AUTS2: variants seen among roughly 807,000 people sequenced by gnomAD.
AUTS2 encodes the protein autism susceptibility gene 2 protein.
In AUTS2, 17 loss-of-function variants were observed where a neutral mutation model predicts 112.4. The observed-to-expected ratio is 0.15, with a 90% CI of 0.10 to 0.23. The LOEUF (loss-of-function observed/expected upper bound fraction) is 0.23. AUTS2 is among the 10% of genes least tolerant of loss of function. AUTS2 has a pLI of 1.00. For missense variants in AUTS2, 1,510 were observed against 1,701.6 expected, an observed-to-expected ratio of 0.89 and a Z score of 1.98; for synonymous variants, 751 against 702.7, an observed-to-expected ratio of 1.07 and a Z score of -1.09.
At chr7:69,996,946 T>TAAAAAAAAAAAAAAAAAAAA (rs1161825217) in intron 2 of AUTS2, among the ~76,000 whole-genome samples, 4 of 99,034 alleles carry the variant, frequency 4.0e-5, no homozygotes, top group Admixed American at 1.1e-4. Context: ...CTGGAACACT[T>TAAAAAAAAAAAAAAAAAAAA]AAAAAAAAAA....
At chr7:70,654,674 T>A (rs1806677151) in intron 5 of AUTS2, among the ~76,000 whole-genome samples, 1 of 152,240 alleles carries the variant, frequency 6.6e-6, no homozygotes, top group African/African-American at 2.4e-5. Context: ...TGAAATTCTG[T>A]TGATGTTGTA....
chr7:69,640,387 G>C (rs1318660331), intron 1 of AUTS2, among the ~76,000 whole-genome samples: 1 of 152,172 alleles, frequency 6.6e-6, no homozygotes, highest in Non-Finnish European at 1.5e-5. Context: ...CTTAAGTAGT[G>C]CACAGTTCAG....
intron 4 of AUTS2, among the ~76,000 whole-genome samples, chr7:70,227,411 T>C (rs1219873020): frequency 1.3e-5 from 2 of 152,092 alleles, no homozygotes; most frequent in African/African-American, 4.8e-5. Flanking sequence ...GTTAAGCATA[T>C]AATTCAATGA....
intron 6 of AUTS2, chr7:70,729,082 C>A: frequency 2.2e-6 from 1 of 448,744 alleles, no homozygotes; most frequent in South Asian, 1.6e-5. Flanking sequence ...AGCTGCTCTG[C>A]TCTTGAGAAC....
intron 17 of AUTS2, among the ~76,000 whole-genome samples, chr7:70,786,565 C>T (rs1266893788): frequency 1.3e-5 from 2 of 152,104 alleles, no homozygotes; most frequent in East Asian, 1.9e-4. Flanking sequence ...AAGCCCATCT[C>T]GATTAGGAGA....
In AUTS2 at chr7:70,432,462, C is replaced by A. The variant is rs907048466; in HGVS notation, c.661-3290C>A. On this transcript the variant is annotated intron_variant, in intron 4 of 18. Transcript: ENST00000342771. ...AGTGTATTAAATGTGAATTTGAGAC[C>A]ATGAATTCTACCCACACTGACTCTA... Among the ~76,000 whole-genome samples, 10 of 152,118 alleles carry A rather than the reference C, an allele frequency of 6.6e-5. No individual in the cohort carries two copies. The East Asian group carries it at 1.7e-3, about 26-fold the overall frequency.
At chr7:70,445,854 C>T (rs1796297764) in intron 5 of AUTS2, among the ~76,000 whole-genome samples, 1 of 152,078 alleles carries the variant, frequency 6.6e-6, no homozygotes, top group Admixed American at 6.6e-5. Flanking sequence ...AGTGTTATAC[C>T]CAGAAGTTGC....
intron 11 of AUTS2, among the ~76,000 whole-genome samples, chr7:70,772,519 G>T (rs528468858): frequency 8.5e-5 from 13 of 152,238 alleles, no homozygotes; most frequent in South Asian, 8.3e-4. Flanking sequence ...TGTGCCATTG[G>T]GTTTTCGTTT....
intron 15 of AUTS2, chr7:70,782,646 T>G (rs777357896): frequency 2.6e-5 from 4 of 152,230 alleles, no homozygotes; most frequent in Non-Finnish European, 4.4e-5. Context: ...GAGCTCATTC[T>G]GCTAATAACT....
chr7:69,644,328 T>A (rs986999110), intron 1 of AUTS2, among the ~76,000 whole-genome samples: 1 of 145,804 alleles, frequency 6.9e-6, no homozygotes, highest in African/African-American at 2.5e-5. Context: ...ACCCCTAGAC[T>A]TTTTTTTTTT....
chr7:70,683,326 CATTT>C (rs1216348247), intron 5 of AUTS2, among the ~76,000 whole-genome samples: 5 of 152,164 alleles, frequency 3.3e-5, no homozygotes, highest in Non-Finnish European at 7.3e-5. Context: ...GAGATCTGGT[CATTT>C]ATTTATTTAC....
At chr7:69,942,150 A>C (rs1051989354) in intron 2 of AUTS2, among the ~76,000 whole-genome samples, 1 of 152,132 alleles carries the variant, frequency 6.6e-6, no homozygotes, top group Admixed American at 6.5e-5. Context: ...CTCAGCATGC[A>C]CAGTTGTTTT....
chr7:69,756,896 TAAA>T (rs940177276), intron 1 of AUTS2, among the ~76,000 whole-genome samples: 1 of 152,222 alleles, frequency 6.6e-6, no homozygotes, highest in Non-Finnish European at 1.5e-5. Context: ...ATTTTTTCCT[TAAA>T]AAGTCAGTAT....
chr7:70,178,871 A>G (rs1414224723), intron 4 of AUTS2, among the ~76,000 whole-genome samples: 1 of 152,068 alleles, frequency 6.6e-6, no homozygotes, highest in Non-Finnish European at 1.5e-5. Flanking sequence ...GGTCTTATGG[A>G]TGTCTTTTGG....
At chr7:70,783,860 A>C (rs545446155) in intron 15 of AUTS2, 82 of 152,160 alleles carry the variant, frequency 5.4e-4, no homozygotes, top group African/African-American at 1.9e-3. Flanking sequence ...GCCTCGTATT[A>C]ACAAGCCCAT....
chr7:69,928,380 C>T (rs370835532), intron 2 of AUTS2, among the ~76,000 whole-genome samples: 7 of 152,286 alleles, frequency 4.6e-5, no homozygotes, highest in South Asian at 4.2e-4. Context: ...GATTTCACTG[C>T]GGACCCACCC....
chr7:70,370,081 T>G (rs891824924), intron 4 of AUTS2, among the ~76,000 whole-genome samples: 1 of 152,164 alleles, frequency 6.6e-6, no homozygotes, highest in Non-Finnish European at 1.5e-5. Flanking sequence ...CCTGCCCTAG[T>G]AGGATGTTGG....
intron 1 of AUTS2, among the ~76,000 whole-genome samples, chr7:69,701,170 T>G (rs909331292): frequency 2.0e-5 from 3 of 152,168 alleles, no homozygotes; most frequent in Non-Finnish European, 2.9e-5. Context: ...TTGTGAAGAT[T>G]AAATGTGATG....
chr7:69,739,806 T>A (rs775000495), intron 1 of AUTS2, among the ~76,000 whole-genome samples: 1 of 152,218 alleles, frequency 6.6e-6, no homozygotes, highest in Non-Finnish European at 1.5e-5. Flanking sequence ...ATATGCAGTC[T>A]GTGCTAAGAG....
Sources: allele counts gnomAD v4.1 joint callset (sites outside exome capture counted in the v4.1 genomes callset), GRCh38; gene constraint gnomAD v4.1.1; transcripts MANE v1.5; gene names NCBI Gene and HGNC (gene_info 2026-07-23, HGNC 2026-07-21).